Variants in CD1B observed in about 807,000 individuals in gnomAD.
CD1B encodes the protein CD1b molecule, also known as T-cell surface glycoprotein CD1b.
A neutral mutation model predicts 39.8 loss-of-function variants in CD1B; 43 were observed. That is an observed-to-expected ratio of 1.08 (90% confidence interval 0.85 to 1.39). CD1B has a LOEUF of 1.39. CD1B is among the 40% of genes most tolerant of loss of function. The pLI is 0.00. For missense variants in CD1B, 495 were observed against 403.8 expected, an observed-to-expected ratio of 1.23 and a Z score of -1.94; for synonymous variants, 192 against 152.5, an observed-to-expected ratio of 1.26 and a Z score of -1.91.
chr1:158,303,816 A>C, the CD1B span, among the ~76,000 whole-genome samples: 1 of 152,260 alleles, frequency 6.6e-6, no homozygotes, highest in Non-Finnish European at 1.5e-5. Context: ...GGATTGAAAG[A>C]ATTAATGTTG....
chr1:158,331,258 A>G, intron 1 of CD1B, 105 bp downstream of exon 1: 11 of 1,195,542 alleles, frequency 9.2e-6, no homozygotes, highest in Non-Finnish European at 1.3e-5. Flanking sequence ...CGGGAGACAG[A>G]AAGACCCAGA....
chr1:158,306,939 A>G, the CD1B span, among the ~76,000 whole-genome samples: 264 of 152,342 alleles, frequency 1.7e-3, 2 homozygotes, highest in African/African-American at 5.8e-3. Context: ...CAGTGTGTAG[A>G]GGGAAATTTA....
chr1:158,285,988 GTGGGA>G, the CD1B span, among the ~76,000 whole-genome samples: 1 of 152,146 alleles, frequency 6.6e-6, no homozygotes, highest in East Asian at 1.9e-4. Flanking sequence ...GCTGTGTGGG[GTGGGA>G]ACATGACACT....
chr1:158,314,642 G>C, the CD1B span, among the ~76,000 whole-genome samples: 1 of 150,600 alleles, frequency 6.6e-6, no homozygotes, highest in South Asian at 2.1e-4. Context: ...GTTTTGTTTT[G>C]TTTTTTTTAT....
At chr1:158,305,527 A>G in the CD1B span, among the ~76,000 whole-genome samples, 3,580 of 152,318 alleles carry the variant, frequency 0.024, 139 homozygotes, top group African/African-American at 0.081. Flanking sequence ...ATCCAGGAGA[A>G]CTTCCCCAAT....
the CD1B span, chr1:158,292,413 G>A: frequency 1.9e-5 from 30 of 1,568,532 alleles, no homozygotes; most frequent in Non-Finnish European, 2.3e-5. Context: ...TTCAAGTACT[G>A]CCCCTTCTGT....
the CD1B span, among the ~76,000 whole-genome samples, chr1:158,297,550 A>G: frequency 6.6e-6 from 1 of 152,162 alleles, no homozygotes; most frequent in Non-Finnish European, 1.5e-5. Context: ...CTACATAACA[A>G]CCAGCTAACA....
Position 158,329,408 on chromosome 1 carries a change from T to C in CD1B, c.848A>G (p.His283Arg). Residue 283 changes from histidine to arginine, a missense_variant, in exon 4 of 6, where the codon CAC (histidine) becomes CGC (arginine). By Grantham distance (29) the His-to-Arg change is conservative. Transcript: ENST00000368168. The stretch of plus-strand genomic sequence containing the variant: ...GATGTCCTGGCCCTCTAAACTGCTG[T>C]GCTTCACCCGACAGGACAGGCCAGC... ...EAAGLSCRVKHSSLEGQDIIL... is the reference protein window; with the variant it reads ...EAAGLSCRVKRSSLEGQDIIL... 1 of 1,614,168 alleles carries C rather than the reference T, an allele frequency of 6.2e-7. No homozygotes were observed. The highest frequency in any genetic ancestry group is 2.2e-5 in the East Asian group (1 of 44,878).
At chr1:158,316,613 T>G in the CD1B span, among the ~76,000 whole-genome samples, 13 of 151,350 alleles carry the variant, frequency 8.6e-5, no homozygotes, top group African/African-American at 3.2e-4. Context: ...ACAGGGACAA[T>G]TTGACTTCCT....
chr1:158,307,267 G>T, the CD1B span, among the ~76,000 whole-genome samples: 1 of 152,102 alleles, frequency 6.6e-6, no homozygotes, highest in East Asian at 1.9e-4. Context: ...TGATCCCACA[G>T]AAATACAGAC....
the CD1B span, among the ~76,000 whole-genome samples, chr1:158,319,750 A>C: frequency 4.6e-5 from 7 of 152,072 alleles, no homozygotes; most frequent in Non-Finnish European, 8.8e-5. Context: ...TGCTTTTTAG[A>C]GTTTCCAGTT....
chr1:158,317,937 A>G, the CD1B span, among the ~76,000 whole-genome samples: 4 of 152,212 alleles, frequency 2.6e-5, no homozygotes, highest in South Asian at 2.1e-4. Context: ...AGTCATTCAG[A>G]AGCAGGTTGT....
chr1:158,299,057 T>C, the CD1B span, among the ~76,000 whole-genome samples: 5 of 152,144 alleles, frequency 3.3e-5, no homozygotes, highest in Non-Finnish European at 5.9e-5. Context: ...CTATGTTGAA[T>C]AGGAGTGGTG....
At chr1:158,305,290 A>G in the CD1B span, among the ~76,000 whole-genome samples, 1 of 152,202 alleles carries the variant, frequency 6.6e-6, no homozygotes, top group African/African-American at 2.4e-5. Context: ...CATGATGAAT[A>G]ACAAGCCTCA....
At chr1:158,316,229 T>A in the CD1B span, among the ~76,000 whole-genome samples, 1 of 152,070 alleles carries the variant, frequency 6.6e-6, no homozygotes, top group Non-Finnish European at 1.5e-5. Flanking sequence ...TGGCATTGAA[T>A]CTGTAAATTA....
At chr1:158,302,711 A>C in the CD1B span, among the ~76,000 whole-genome samples, 2 of 152,194 alleles carry the variant, frequency 1.3e-5, no homozygotes, top group Non-Finnish European at 2.9e-5. Context: ...TCTTGAAAAT[A>C]TACATTCCCA....
chr1:158,300,820 G>T, the CD1B span, among the ~76,000 whole-genome samples: 50 of 146,354 alleles, frequency 3.4e-4, no homozygotes, highest in African/African-American at 1.3e-3. Flanking sequence ...GTACAGTGGT[G>T]CGATCTCAGC....
At chr1:158,310,363 A>G in the CD1B span, among the ~76,000 whole-genome samples, 2 of 152,224 alleles carry the variant, frequency 1.3e-5, no homozygotes, top group Non-Finnish European at 2.9e-5. Flanking sequence ...AACTACAGAA[A>G]TCTTGGAAGA....
chr1:158,316,831 C>T, the CD1B span, among the ~76,000 whole-genome samples: 1 of 151,906 alleles, frequency 6.6e-6, no homozygotes, highest in Non-Finnish European at 1.5e-5. Context: ...AAATACGTCC[C>T]ATCAATACCT....
Sources: allele counts gnomAD v4.1 joint callset (sites outside exome capture counted in the v4.1 genomes callset), GRCh38; gene constraint gnomAD v4.1.1; transcripts MANE v1.5; gene names NCBI Gene and HGNC (gene_info 2026-07-23, HGNC 2026-07-21).